The following COQ3 variants were observed in gnomAD, a reference collection of about 807,000 sequenced individuals.
COQ3 encodes the protein coenzyme Q3, methyltransferase.
Under a neutral mutation model 33.1 loss-of-function variants are expected in COQ3, and 29 were observed. The observed-to-expected ratio is 0.88, with a 90% CI of 0.65 to 1.19. The LOEUF is 1.19. Among genes scored for constraint, COQ3 ranks in the 50% most tolerant of loss-of-function variants. The pLI is 0.00. For synonymous variants in COQ3, 173 were observed against 157.8 expected (o/e 1.10, Z -0.72); for missense variants, 437 against 430.7 (o/e 1.01, Z -0.13).
At position 99,369,557 on chromosome 6, in the gene COQ3, C is replaced by A; in HGVS notation, c.*43G>T. 1 of 1,336,696 alleles carries A rather than the reference C, an allele frequency of 7.5e-7. No homozygotes were observed. The highest frequency in any genetic ancestry group is 1.1e-6 in the Non-Finnish European group (1 of 940,002). The allele number at this position is 1,336,696 out of a possible 1,614,324, so 82.8% of individuals were successfully genotyped here. On this transcript the variant is annotated 3_prime_UTR_variant, in exon 7 of 7. Coordinates refer to ENST00000254759, the MANE Select transcript of COQ3 (RefSeq NM_017421.4). ...AATTGTACATTTTTGTATTTGAAAA[C>A]ATCAGATATCCAAGCCATATTACTA...
At chr6:99,374,566 G>A (rs529981535) in intron 5 of COQ3, among the ~76,000 whole-genome samples, 3 of 152,186 alleles carry the variant, frequency 2.0e-5, no homozygotes, top group Admixed American at 2.0e-4. Context: ...ATATGTGAAC[G>A]ACAGAGTCAG....
chr6:99,388,918 CACACACACACA>C (rs1562210325), intron 1 of COQ3, among the ~76,000 whole-genome samples: 1 of 149,436 alleles, frequency 6.7e-6, no homozygotes, highest in African/African-American at 2.4e-5. Flanking sequence ...CACACACACA[CACACACACACA>C]CACACCCACA....
In COQ3 at chr6:99,383,704, CTCTT is replaced by C; in HGVS notation, c.223_226del (p.Lys75ValfsTer22). 1.9e-6 allele frequency: 3 copies of C among 1,576,866 alleles called. No individual in the cohort carries two copies. The highest frequency in any genetic ancestry group is 1.7e-6 in the Non-Finnish European group (2 of 1,167,372). ...ACAGTAATAATAAACCCACCTGAAA[CTCTT>C]TATTCTGTTCAAACAGGAAAAGATC... On this transcript the variant is annotated frameshift_variant, in exon 2 of 7. Transcript: ENST00000254759. LOFTEE classifies it high-confidence loss of function.
At chr6:99,393,991 C>T in intron 1 of COQ3, 83 bp downstream of exon 1, 1 of 1,198,628 alleles carries the variant, frequency 8.3e-7, no homozygotes, top group Non-Finnish European at 1.2e-6. Context: ...AGAGACAACC[C>T]ACCGCCCCAC....
Position 99,371,552 on chromosome 6 carries a change from T to A in COQ3, c.765A>T (p.Lys255Asn), listed in dbSNP as rs1191716173. ...TTCCCAAGGCATAGGAAAGTTGTGT[T>A]TTGTTGATTGTAGTAATGAATAAAG... ...GGSLFITTINKTQLSYALGIV... is the reference protein window; with the variant it reads ...GGSLFITTINNTQLSYALGIV... The change falls in exon 6 of 7, where the codon AAA becomes AAT. Residue 255 changes from lysine (K) to asparagine (N), a missense_variant. By Grantham distance (94) the Lys-to-Asn change is moderately conservative. Transcript: ENST00000254759. 1 of 1,605,580 alleles carries A rather than the reference T, an allele frequency of 6.2e-7. No individual in the cohort carries two copies. The highest frequency in any genetic ancestry group is 8.5e-7 in the Non-Finnish European group (1 of 1,176,208).
At chr6:99,377,218 C>T (rs765362150) in intron 4 of COQ3, among the ~76,000 whole-genome samples, 168 bp downstream of exon 4, 13 of 151,844 alleles carry the variant, frequency 8.6e-5, no homozygotes, top group Non-Finnish European at 1.8e-4. Flanking sequence ...CCATGTTGGT[C>T]AGGCTGGTCT....
At chr6:99,379,238 G>T (rs1410425555) in intron 3 of COQ3, among the ~76,000 whole-genome samples, 2 of 152,010 alleles carry the variant, frequency 1.3e-5, no homozygotes, top group Non-Finnish European at 2.9e-5. Context: ...AAACAGTTTT[G>T]CAACTCACTG....
intron 1 of COQ3, among the ~76,000 whole-genome samples, chr6:99,392,515 C>G (rs1166078070): frequency 6.6e-6 from 1 of 151,202 alleles, no homozygotes; most frequent in Non-Finnish European, 1.5e-5. Flanking sequence ...CCCTTGCCAC[C>G]CCCTGCCTTT....
chr6:99,375,981 CA>C lies in COQ3; in HGVS notation c.687del (p.Ile229MetfsTer3). ...CAGCACTGTAAAAATGTTTCTAGAT[CA>C]ATCACATGTTCTACAACTTCAGAAG... ...VVASEVVEHV[I>X]DLETFLQCCC... On this transcript the variant is annotated frameshift_variant, in exon 5 of 7. Coordinates refer to ENST00000254759, the MANE Select transcript of COQ3 (RefSeq NM_017421.4). LOFTEE classifies it high-confidence loss of function. 1.2e-6 allele frequency: 2 copies of C among 1,614,086 alleles called. No individual in the cohort carries two copies. The highest frequency in any genetic ancestry group is 1.7e-6 in the Non-Finnish European group (2 of 1,179,982).
intron 1 of COQ3, among the ~76,000 whole-genome samples, chr6:99,387,166 A>G (rs1220947291): frequency 6.6e-6 from 1 of 152,200 alleles, no homozygotes; most frequent in Non-Finnish European, 1.5e-5. Context: ...AAAGAGAAAT[A>G]CACCAGGCAG....
chr6:99,393,888 G>A (rs1774897072), intron 1 of COQ3, among the ~76,000 whole-genome samples, 186 bp downstream of exon 1: 1 of 152,154 alleles, frequency 6.6e-6, no homozygotes, highest in Non-Finnish European at 1.5e-5. Flanking sequence ...TCTTTTCCCC[G>A]GCGTCCGCCA....
At chr6:99,385,742 C>T (rs1481017273) in intron 1 of COQ3, among the ~76,000 whole-genome samples, 1 of 151,694 alleles carries the variant, frequency 6.6e-6, no homozygotes, top group Non-Finnish European at 1.5e-5. Context: ...TTTGGGAGGC[C>T]GAGGCAGGCA....
At chr6:99,385,239 G>A (rs545267108) in intron 1 of COQ3, among the ~76,000 whole-genome samples, 99 of 152,306 alleles carry the variant, frequency 6.5e-4, no homozygotes, top group African/African-American at 2.4e-3. Flanking sequence ...GTAATTGATA[G>A]AACCACTGGA....
rs368152167 is a variant in COQ3, at chr6:99,369,823, GA to G, written c.890-4del. 100,986 of 1,030,612 alleles carry G rather than the reference GA, an allele frequency of 0.098. 24 individuals are homozygous for G. The highest frequency in any genetic ancestry group is 0.13 in the South Asian group (6,961 of 55,078). 63.8% of individuals were successfully genotyped at this position (1,030,612 alleles called of 1,614,324 possible). On this transcript the variant is annotated splice_polypyrimidine_tract_variant and splice_region_variant and intron_variant, in intron 6 of 6. Coordinates refer to ENST00000254759, the MANE Select transcript of COQ3 (RefSeq NM_017421.4). The stretch of plus-strand genomic sequence containing the variant: ...CACTGTTTGAACTGACAGACCATCT[GA>G]AAAAAAAAAAAATCAGAAAGAGTAG...
At chr6:99,371,124 T>C (rs1774130815) in intron 6 of COQ3, among the ~76,000 whole-genome samples, 1 of 152,172 alleles carries the variant, frequency 6.6e-6, no homozygotes, top group Admixed American at 6.5e-5. Context: ...AGACTGAGAA[T>C]GTGTAAATAA....
At chr6:99,385,976 C>CAAA (rs61403627) in intron 1 of COQ3, among the ~76,000 whole-genome samples, 1 of 97,744 alleles carries the variant, frequency 1.0e-5, no homozygotes, top group African/African-American at 4.1e-5. Flanking sequence ...GACTCTGTCT[C>CAAA]AAAAAAAAAA....
intron 3 of COQ3, among the ~76,000 whole-genome samples, chr6:99,378,327 TATAAC>T (rs1396146237): frequency 1.3e-5 from 2 of 151,790 alleles, no homozygotes; most frequent in Non-Finnish European, 2.9e-5. Context: ...TTTGGAAAGT[TATAAC>T]ATACAGAAAA....
At chr6:99,383,935 C>G in intron 1 of COQ3, 111 bp from the exon 2 acceptor site, 2 of 852,512 alleles carry the variant, frequency 2.3e-6, no homozygotes, top group Non-Finnish European at 3.4e-6. Flanking sequence ...TAGTCTTGCT[C>G]TGCCACCCAG....
intron 6 of COQ3, among the ~76,000 whole-genome samples, chr6:99,371,035 T>C (rs571711819): frequency 6.6e-6 from 1 of 152,208 alleles, no homozygotes; most frequent in South Asian, 2.1e-4. Context: ...GATACTGAAG[T>C]TCAAAATATA....
Sources: gnomAD v4.1 joint callset for allele counts (sites outside exome capture counted in the v4.1 genomes callset) on GRCh38, gnomAD v4.1.1 for gene constraint, MANE v1.5 for transcripts, NCBI Gene and HGNC (gene_info 2026-07-23, HGNC 2026-07-21) for gene names.